Variants in PXDNL observed in about 807,000 individuals in gnomAD.
PXDNL encodes probable oxidoreductase PXDNL.
In PXDNL, 145 loss-of-function variants were observed where a neutral mutation model predicts 150.8. The ratio of observed to expected loss-of-function variants is 0.96; its 90% CI spans 0.84 to 1.10. PXDNL has a LOEUF of 1.10. Ranked by LOEUF, PXDNL falls within the 50% of genes least tolerant of loss-of-function variation. The pLI is 0.00. For missense variants in PXDNL, 2,087 were observed against 1,873.9 expected, an observed-to-expected ratio of 1.11 and a Z score of -2.10; for synonymous variants, 757 against 725.7, an observed-to-expected ratio of 1.04 and a Z score of -0.69.
At chr8:51,398,156 G>A (rs1192976877) in intron 17 of PXDNL, among the ~76,000 whole-genome samples, 2 of 152,194 alleles carry the variant, frequency 1.3e-5, no homozygotes, top group Non-Finnish European at 2.9e-5. Flanking sequence ...GCCTAAGACT[G>A]GGGAGCCTGA....
chr8:51,665,522 G>A (rs922411264), intron 1 of PXDNL, among the ~76,000 whole-genome samples: 6 of 152,090 alleles, frequency 3.9e-5, no homozygotes, highest in Admixed American at 6.6e-5. Context: ...GGCAAACTGC[G>A]AGCTCTTGAA....
intron 1 of PXDNL, among the ~76,000 whole-genome samples, chr8:51,795,126 A>G (rs1382878899): frequency 2.0e-5 from 3 of 152,210 alleles, no homozygotes; most frequent in African/African-American, 7.2e-5. Flanking sequence ...AAAATACAGG[A>G]GCACCCAGAT....
At chr8:51,738,745 C>T (rs935312730) in intron 1 of PXDNL, among the ~76,000 whole-genome samples, 1 of 152,064 alleles carries the variant, frequency 6.6e-6, no homozygotes, top group Non-Finnish European at 1.5e-5. Context: ...GAATTTGTAA[C>T]TTAGAAATTC....
At chr8:51,764,992 T>C (rs2037211843) in intron 1 of PXDNL, among the ~76,000 whole-genome samples, 1 of 152,112 alleles carries the variant, frequency 6.6e-6, no homozygotes, top group Non-Finnish European at 1.5e-5. Flanking sequence ...TATATAATTA[T>C]TGTGTCTTTC....
At chr8:51,498,273 G>A (rs902219214) in intron 5 of PXDNL, among the ~76,000 whole-genome samples, 5 of 134,352 alleles carry the variant, frequency 3.7e-5, no homozygotes, top group African/African-American at 1.4e-4. Context: ...ACACACCGGG[G>A]CCTGTTGTGG....
At chr8:51,436,159 A>G (rs963870499) in intron 12 of PXDNL, 1 of 517,462 alleles carries the variant, frequency 1.9e-6, no homozygotes, top group Non-Finnish European at 3.9e-6. Context: ...AGAACTCTTA[A>G]TTCAGATCTT....
intron 21 of PXDNL, among the ~76,000 whole-genome samples, chr8:51,336,751 T>C (rs1457640969): frequency 6.6e-6 from 1 of 152,222 alleles, no homozygotes; most frequent in African/African-American, 2.4e-5. Context: ...ATTGTTTAAT[T>C]CCTATCAGTC....
intron 1 of PXDNL, among the ~76,000 whole-genome samples, chr8:51,804,534 A>C (rs545636146): frequency 6.6e-6 from 1 of 152,236 alleles, no homozygotes; most frequent in South Asian, 2.1e-4. Flanking sequence ...TAAATACAGA[A>C]GCAGAATTGG....
At chr8:51,327,943 T>C (rs144553874) in intron 21 of PXDNL, among the ~76,000 whole-genome samples, 1 of 152,364 alleles carries the variant, frequency 6.6e-6, no homozygotes, top group Non-Finnish European at 1.5e-5. Flanking sequence ...TGACTGAGCA[T>C]TGAGCCATAC....
chr8:51,433,109 T>C (rs1809295387), intron 12 of PXDNL, among the ~76,000 whole-genome samples: 2 of 151,920 alleles, frequency 1.3e-5, no homozygotes, highest in Non-Finnish European at 2.9e-5. Flanking sequence ...CTGAGGAAGC[T>C]GAGCCAGGAG....
At chr8:51,516,538 C>T (rs577102176) in intron 4 of PXDNL, among the ~76,000 whole-genome samples, 4 of 152,270 alleles carry the variant, frequency 2.6e-5, no homozygotes, top group African/African-American at 9.6e-5. Flanking sequence ...GTTGATGGCG[C>T]TTTATTTTAC....
At position 51,413,072 on chromosome 8, in the gene PXDNL, G is replaced by A. The variant is rs1430860389; in HGVS notation, c.1904+78C>T. The A allele has an allele frequency of 2.7e-5, 23 of 861,614 alleles. 1 individual carries two copies. The Admixed American group carries it at 4.3e-4, about 16-fold the overall frequency. 53.4% of individuals were successfully genotyped at this position (861,614 alleles called of 1,614,324 possible). On this transcript the variant is annotated intron_variant, in intron 15 of 22. Coordinates refer to ENST00000356297, the MANE Select transcript of PXDNL (RefSeq NM_144651.5). ...CACTCTATTGCATATGCACTATAATGTGACTTATGGAGATGATAAAAACTA... is the reference window on the plus strand; with the variant it reads ...CACTCTATTGCATATGCACTATAATATGACTTATGGAGATGATAAAAACTA...
At chr8:51,510,335 C>T (rs1459130256) in intron 4 of PXDNL, among the ~76,000 whole-genome samples, 1 of 152,186 alleles carries the variant, frequency 6.6e-6, no homozygotes, top group Non-Finnish European at 1.5e-5. Context: ...CTAAGACTTC[C>T]TCTTACCAAA....
chr8:51,453,918 T>G (rs1047287799), intron 9 of PXDNL, 133 bp from the exon 10 acceptor site: 1 of 762,496 alleles, frequency 1.3e-6, no homozygotes, highest in Non-Finnish European at 2.0e-6. Context: ...CATATATATA[T>G]ATACACATTT....
At chr8:51,705,844 C>A (rs1056512335) in intron 1 of PXDNL, among the ~76,000 whole-genome samples, 3 of 143,126 alleles carry the variant, frequency 2.1e-5, no homozygotes, top group Admixed American at 1.3e-4. Flanking sequence ...CGCGCGCGCG[C>A]GCGCGCGCGT....
At chr8:51,677,270 C>T (rs1333631290) in intron 1 of PXDNL, among the ~76,000 whole-genome samples, 2 of 152,148 alleles carry the variant, frequency 1.3e-5, no homozygotes, top group East Asian at 1.9e-4. Flanking sequence ...TATTTTTTGA[C>T]ACAAACAGAT....
intron 3 of PXDNL, among the ~76,000 whole-genome samples, chr8:51,563,179 C>G (rs1423319377): frequency 6.6e-6 from 1 of 151,950 alleles, no homozygotes; most frequent in Non-Finnish European, 1.5e-5. Context: ...CCCAGGCTTC[C>G]ATAACAAAAG....
chr8:51,387,603 A>G (rs1377858826), intron 17 of PXDNL, among the ~76,000 whole-genome samples: 5 of 152,224 alleles, frequency 3.3e-5, no homozygotes, highest in African/African-American at 1.2e-4. Flanking sequence ...TATCAGTTGC[A>G]TACCTTTTAT....
At chr8:51,506,652 T>A (rs568622967) in intron 4 of PXDNL, among the ~76,000 whole-genome samples, 135 of 152,104 alleles carry the variant, frequency 8.9e-4, no homozygotes, top group African/African-American at 3.1e-3. Flanking sequence ...CACTCTTTGT[T>A]CAATCTCTAC....
Sources: gnomAD v4.1 joint callset for allele counts (sites outside exome capture counted in the v4.1 genomes callset) on GRCh38, gnomAD v4.1.1 for gene constraint, MANE v1.5 for transcripts, NCBI Gene and HGNC (gene_info 2026-07-23, HGNC 2026-07-21) for gene names.